SAMD12: variants seen among roughly 807,000 people sequenced by gnomAD.
SAMD12 encodes sterile alpha motif domain containing 12.
Under a neutral mutation model 15.0 loss-of-function variants are expected in SAMD12, and 9 were observed. That is an observed-to-expected ratio of 0.60 (90% CI 0.36 to 1.05). SAMD12 has a LOEUF of 1.05. SAMD12 is among the 50% of genes least tolerant of loss of function. SAMD12 has a pLI of 0.01. For missense variants in SAMD12, 230 were observed against 234.2 expected (o/e 0.98, Z 0.12); for synonymous variants, 86 against 90.1 (o/e 0.96, Z 0.25).
At chr8:118,280,279 C>T (rs1033978478) in intron 4 of SAMD12, among the ~76,000 whole-genome samples, 3 of 152,156 alleles carry the variant, frequency 2.0e-5, no homozygotes, top group Non-Finnish European at 4.4e-5. Flanking sequence ...TATTGTGTCA[C>T]AGTAAATACA....
intron 2 of SAMD12, among the ~76,000 whole-genome samples, chr8:118,467,595 A>G (rs751654985): frequency 6.6e-6 from 1 of 152,158 alleles, no homozygotes; most frequent in Non-Finnish European, 1.5e-5. Flanking sequence ...ACACAATAGC[A>G]AGATGTCTGG....
chr8:118,376,083 C>G (rs1586626908), downstream of SAMD12, among the ~76,000 whole-genome samples: 1 of 152,080 alleles, frequency 6.6e-6, no homozygotes, highest in Non-Finnish European at 1.5e-5. Context: ...CTATTCCCCT[C>G]AAGATGGACA....
intron 4 of SAMD12, among the ~76,000 whole-genome samples, chr8:118,222,902 G>C (rs1812113239): frequency 6.6e-6 from 1 of 152,126 alleles, no homozygotes; most frequent in Admixed American, 6.6e-5. Flanking sequence ...GCAGAGCATG[G>C]GACAGGTCAA....
At chr8:118,145,865 A>C in the SAMD12 span, among the ~76,000 whole-genome samples, 6 of 152,206 alleles carry the variant, frequency 3.9e-5, no homozygotes. Context: ...GGGGCTGCCC[A>C]AAAAGATCGT....
chr8:118,555,668 A>C (rs1826509574), intron 2 of SAMD12, among the ~76,000 whole-genome samples: 1 of 152,242 alleles, frequency 6.6e-6, no homozygotes, highest in African/African-American at 2.4e-5. Flanking sequence ...TCCACTCTGC[A>C]AATCAGCACA....
At chr8:118,603,957 A>C (rs1281557796) in intron 1 of SAMD12, among the ~76,000 whole-genome samples, 1 of 152,224 alleles carries the variant, frequency 6.6e-6, no homozygotes, top group African/African-American at 2.4e-5. Context: ...AAAGACAATG[A>C]CTAATTTTTA....
intron 3 of SAMD12, among the ~76,000 whole-genome samples, chr8:118,397,206 T>G (rs1449227302): frequency 6.6e-6 from 1 of 152,058 alleles, no homozygotes; most frequent in African/African-American, 2.4e-5. Flanking sequence ...AGAACTGACA[T>G]ACAAACCCAC....
chr8:118,512,581 T>C (rs1825117376), intron 2 of SAMD12, among the ~76,000 whole-genome samples: 1 of 151,972 alleles, frequency 6.6e-6, no homozygotes, highest in Non-Finnish European at 1.5e-5. Context: ...AAATACTGAG[T>C]TTTCCATTTT....
rs1299970707 is a variant in SAMD12 at position 118,269,220 on chromosome 8, C to CTCTCTGTG, written c.434-71489_434-71488insCACAGAGA. 4.0e-4 allele frequency among the ~76,000 whole-genome samples: 49 copies of CTCTCTGTG among 123,036 alleles called. No homozygotes were observed. The South Asian group carries it at 8.9e-3, about 22-fold the overall frequency. The allele number at this position is 123,036 out of a possible 152,430, so 80.7% of individuals were successfully genotyped here. A position where few individuals can be genotyped will look rare whatever the true frequency, so the allele number is the denominator to read the frequency against. Reference sequence around the variant, plus strand: ...TCTCTCTCTCTCTCTCTCTCTCTCTCTGTGTGTGTGTGTGTGTGTGTGTGT... The same window carrying CTCTCTGTG: ...TCTCTCTCTCTCTCTCTCTCTCTCTCTCTCTGTGTGTGTGTGTGTGTGTGTGTGTGTGT... On this transcript the variant is annotated intron_variant, in intron 4 of 4. Transcript: ENST00000409003.
intron 4 of SAMD12, among the ~76,000 whole-genome samples, chr8:118,335,013 C>A (rs1485705956): frequency 6.6e-6 from 1 of 152,180 alleles, no homozygotes; most frequent in African/African-American, 2.4e-5. Context: ...TTCCAGTTAA[C>A]TTTACTGTGC....
exon 5 of SAMD12, chr8:118,196,620 T>C (rs1819570533): frequency 6.6e-6 from 1 of 152,224 alleles, no homozygotes; most frequent in South Asian, 2.1e-4. Flanking sequence ...TCTAGGCACA[T>C]AGTGGGGTCA....
At chr8:118,141,968 T>C in the SAMD12 span, among the ~76,000 whole-genome samples, 1 of 152,172 alleles carries the variant, frequency 6.6e-6, no homozygotes, top group Non-Finnish European at 1.5e-5. Flanking sequence ...AGGCATATGT[T>C]CTAGGATTGT....
intron 4 of SAMD12, among the ~76,000 whole-genome samples, chr8:118,257,288 G>T (rs1334985673): frequency 1.3e-5 from 2 of 152,006 alleles, no homozygotes; most frequent in African/African-American, 4.8e-5. Flanking sequence ...CAGAAAGGTG[G>T]TTAAAAGTCA....
At chr8:118,540,227 G>A (rs772286171) in intron 2 of SAMD12, among the ~76,000 whole-genome samples, 1 of 152,186 alleles carries the variant, frequency 6.6e-6, no homozygotes, top group African/African-American at 2.4e-5. Context: ...TCATCCTAAG[G>A]TGACTCCAAA....
chr8:118,200,367 G>A (rs188089992), intron 4 of SAMD12, among the ~76,000 whole-genome samples: 159 of 134,712 alleles, frequency 1.2e-3, no homozygotes, highest in Non-Finnish European at 2.0e-3. Flanking sequence ...TTATCCACAA[G>A]CCCAATCAGC....
intron 3 of SAMD12, among the ~76,000 whole-genome samples, chr8:118,385,225 T>G (rs1819889280): frequency 6.6e-6 from 1 of 152,132 alleles, no homozygotes; most frequent in Non-Finnish European, 1.5e-5. Context: ...GGATTAAAAT[T>G]TAAATTGGTG....
intron 3 of SAMD12, among the ~76,000 whole-genome samples, chr8:118,380,838 A>G (rs1819634277): frequency 6.6e-6 from 1 of 152,240 alleles, no homozygotes; most frequent in South Asian, 2.1e-4. Flanking sequence ...TGCTAAGTGC[A>G]TCAGTCAGGA....
intron 3 of SAMD12, among the ~76,000 whole-genome samples, chr8:118,429,724 T>C (rs1004932403): frequency 6.6e-6 from 1 of 152,078 alleles, no homozygotes; most frequent in African/African-American, 2.4e-5. Context: ...TGAAATCCTG[T>C]CTCTACTAAA....
At chr8:118,305,857 C>T (rs777789510) in intron 4 of SAMD12, among the ~76,000 whole-genome samples, 3 of 152,052 alleles carry the variant, frequency 2.0e-5, no homozygotes, top group Non-Finnish European at 4.4e-5. Context: ...GTAGTTTTAG[C>T]CAATGTGAAG....
Sources: gnomAD v4.1 joint callset for allele counts (sites outside exome capture counted in the v4.1 genomes callset) on GRCh38, gnomAD v4.1.1 for gene constraint, MANE v1.5 for transcripts, NCBI Gene and HGNC (gene_info 2026-07-23, HGNC 2026-07-21) for gene names.